Variants in BID observed in about 807,000 individuals in gnomAD.
BID encodes the protein BH3 interacting domain death agonist.
BID carries 19 observed loss-of-function variants against 17.4 expected under a neutral mutation model. That is an observed-to-expected ratio of 1.09 (90% confidence interval 0.76 to 1.60). The LOEUF (loss-of-function observed/expected upper bound fraction) is 1.60. Among genes scored for constraint, BID ranks in the 40% most tolerant of loss-of-function variants. The probability of loss-of-function intolerance (pLI) is 0.00; values close to 1 mark genes in which losing one functional copy is unlikely to be tolerated. For synonymous variants in BID, 108 were observed against 102.8 expected (o/e 1.05, Z -0.31); for missense variants, 226 against 256.0 (o/e 0.88, Z 0.80).
intron 1 of BID, among the ~76,000 whole-genome samples, chr22:17,757,681 C>T (rs1429389179): frequency 6.7e-6 from 1 of 149,802 alleles, no homozygotes; most frequent in African/African-American, 2.5e-5. Flanking sequence ...TGTACTCCAG[C>T]CTGCGCGACA....
chr22:17,756,494 TTC>T (rs745466202), intron 1 of BID, among the ~76,000 whole-genome samples: 5 of 136,908 alleles, frequency 3.7e-5, no homozygotes, highest in Non-Finnish European at 6.2e-5. Flanking sequence ...CTTTCTTTCT[TTC>T]TCTCTCTCTT....
rs2145867918 is a variant in BID, at chr22:17,735,595, G to C, written c.577-4C>G. 6.2e-7 allele frequency: 1 copy of C among 1,614,158 alleles called. No homozygotes were observed. The highest frequency in any genetic ancestry group is 1.3e-5 in the African/African-American group (1 of 75,040). On this transcript the variant is annotated splice_region_variant and splice_polypyrimidine_tract_variant and intron_variant, in intron 5 of 5. Coordinates refer to ENST00000622694, the MANE Select transcript of BID (RefSeq NM_001196.4). The stretch of plus-strand genomic sequence containing the variant: ...AACTGTCCGTTCAGTCCATCCCCTA[G>C]AGCAAGAAAGGAGAAAAAGCCAGAA...
chr22:17,759,879 A>G (rs2061623581), intron 1 of BID, among the ~76,000 whole-genome samples: 1 of 152,018 alleles, frequency 6.6e-6, no homozygotes, highest in African/African-American at 2.4e-5. Context: ...GAGGTGGCTC[A>G]CGCCTGTAAT....
chr22:17,743,739 C>G (rs1390018613), intron 3 of BID, 64 bp downstream of exon 3: 2 of 1,515,052 alleles, frequency 1.3e-6, no homozygotes, highest in African/African-American at 1.4e-5. Flanking sequence ...CCCTGAGGCT[C>G]CCTGAATGTT....
At chr22:17,738,274 C>A in intron 4 of BID, 45 bp from the exon 5 acceptor site, 1 of 1,559,482 alleles carries the variant, frequency 6.4e-7, no homozygotes, top group South Asian at 1.1e-5. Context: ...ATACTCTTCC[C>A]TCTCAAAGGA....
At chr22:17,737,014 C>A (rs1017451112) in intron 5 of BID, among the ~76,000 whole-genome samples, 1 of 152,106 alleles carries the variant, frequency 6.6e-6, no homozygotes, top group African/African-American at 2.4e-5. Context: ...ACCATCTTGG[C>A]CAGGCTGGTC....
upstream of BID, chr22:17,774,531 G>T (rs1569057725): frequency 6.2e-6 from 1 of 161,434 alleles, no homozygotes; most frequent in Non-Finnish European, 1.3e-5. Context: ...GGCCCGCCCC[G>T]GCCCGCCCCC....
chr22:17,751,188 A>G (rs985557964), intron 1 of BID, among the ~76,000 whole-genome samples: 3 of 151,284 alleles, frequency 2.0e-5, no homozygotes, highest in Admixed American at 2.0e-4. Flanking sequence ...CTGGCTAACA[A>G]GGTGAAACCC....
chr22:17,756,432 C>CTTT (rs564601583), intron 1 of BID, among the ~76,000 whole-genome samples: 1 of 69,232 alleles, frequency 1.4e-5, no homozygotes, highest in Non-Finnish European at 3.1e-5. Context: ...TTCTTTCTTT[C>CTTT]TTCTTTCTTT....
chr22:17,769,955 G>A lies in BID; in HGVS notation c.-59+4426C>T, dbSNP rs577044696. On this transcript the variant is annotated intron_variant, in intron 1 of 5. Transcript: ENST00000622694. This position sits in a 1 kb window ranked among gnomAD's most constrained non-coding sequence, Gnocchi z 4.8. ...GGCCTAGCCTCATTGTCACAGGAAC[G>A]GAGCTCCTCGGGGATGGCCACCTTC... 3.9e-5 allele frequency among the ~76,000 whole-genome samples: 6 copies of A among 152,258 alleles called. 1 individual carries two copies. In the South Asian group the frequency reaches 8.3e-4, roughly 21 times the overall value.
At chr22:17,735,779 C>T (rs1176711572) in intron 5 of BID, among the ~76,000 whole-genome samples, 188 bp from the exon 6 acceptor site, 3 of 151,976 alleles carry the variant, frequency 2.0e-5, no homozygotes, top group African/African-American at 4.8e-5. Context: ...GCCGTTCAGG[C>T]GGTGAGGTGG....
intron 2 of BID, among the ~76,000 whole-genome samples, chr22:17,744,374 T>C (rs1298440884): frequency 2.0e-5 from 3 of 152,214 alleles, no homozygotes; most frequent in African/African-American, 7.2e-5. Flanking sequence ...TCATCCGCCA[T>C]CCTGTGCTGG....
At chr22:17,754,165 C>G (rs1446160316) in intron 1 of BID, among the ~76,000 whole-genome samples, 1 of 141,430 alleles carries the variant, frequency 7.1e-6, no homozygotes, top group Non-Finnish European at 1.5e-5. Context: ...GGGTGACATT[C>G]CCCCAGTCTC....
intron 1 of BID, among the ~76,000 whole-genome samples, chr22:17,763,710 C>CT (rs35220679): frequency 0.36 from 50,510 of 141,846 alleles, 9,057 homozygotes; most frequent in South Asian, 0.52. Flanking sequence ...TGAAAACATA[C>CT]TTTTTTTTTT....
At chr22:17,761,895 A>G (rs1182452291) in intron 1 of BID, among the ~76,000 whole-genome samples, 1 of 152,132 alleles carries the variant, frequency 6.6e-6, no homozygotes, top group Non-Finnish European at 1.5e-5. Context: ...GCCCTTCACT[A>G]TGTTTTTTGT....
intron 1 of BID, among the ~76,000 whole-genome samples, chr22:17,757,992 G>T (rs1383096775): frequency 6.6e-6 from 1 of 152,188 alleles, no homozygotes; most frequent in African/African-American, 2.4e-5. Flanking sequence ...TGGCCATGTG[G>T]GGCTGACAGC....
In BID at chr22:17,750,184, G is replaced by C. The variant is rs2061526816; in HGVS notation, c.-58-10C>G. On this transcript the variant is annotated splice_polypyrimidine_tract_variant and intron_variant, in intron 1 of 5. Transcript: ENST00000622694. The stretch of plus-strand genomic sequence containing the variant: ...GTGTCCCAGTGGCGACCTGGAAAGG[G>C]ACACACAGAGTGGGCGGCCGCTCCT... 6.2e-7 allele frequency: 1 copy of C among 1,610,906 alleles called. No homozygotes were observed. The highest frequency in any genetic ancestry group is 8.5e-7 in the Non-Finnish European group (1 of 1,178,932).
At chr22:17,756,499 TCTC>T (rs2061591493) in intron 1 of BID, among the ~76,000 whole-genome samples, 1 of 147,256 alleles carries the variant, frequency 6.8e-6, no homozygotes, top group African/African-American at 2.5e-5. Flanking sequence ...TTTCTTTCTC[TCTC>T]TCTTTCTGTC....
chr22:17,750,651 AC>A, intron 1 of BID, among the ~76,000 whole-genome samples: 1 of 151,968 alleles, frequency 6.6e-6, no homozygotes, highest in Admixed American at 6.6e-5. Context: ...ATGCGGTGAA[AC>A]CCTGTCTCTA....
Sources: allele counts gnomAD v4.1 joint callset (sites outside exome capture counted in the v4.1 genomes callset), GRCh38; gene constraint gnomAD v4.1.1; non-coding constraint Gnocchi (gnomAD v3.1); transcripts MANE v1.5; gene names NCBI Gene and HGNC (gene_info 2026-07-23, HGNC 2026-07-21).